NLRC5: variants seen among roughly 807,000 people sequenced by gnomAD.
The protein encoded by NLRC5 is NLR family CARD domain containing 5.
A neutral mutation model predicts 206.9 loss-of-function variants in NLRC5; 114 were observed. That is an observed-to-expected ratio of 0.55 (90% confidence interval 0.47 to 0.64). NLRC5 has a LOEUF of 0.64. Among genes scored for constraint, NLRC5 ranks in the 30% least tolerant of loss-of-function variants. NLRC5 has a pLI of 0.00. For synonymous variants in NLRC5, 952 were observed against 962.8 expected (o/e 0.99, Z 0.21); for missense variants, 2,008 against 2,305.5 (o/e 0.87, Z 2.64).
intron 36 of NLRC5, among the ~76,000 whole-genome samples, chr16:57,069,619 G>A (rs1331928793): frequency 6.6e-6 from 1 of 152,224 alleles, no homozygotes; most frequent in Admixed American, 6.5e-5. Context: ...CTGAATGACT[G>A]CGGTTTAGGA....
At chr16:57,013,650 C>T (rs1271873149) in intron 1 of NLRC5, 18 of 944,784 alleles carry the variant, frequency 1.9e-5, no homozygotes, top group African/African-American at 1.8e-4. Context: ...CCTCCAACTT[C>T]AGCCATTTGA....
chr16:57,027,109 G>A (rs2061336409), intron 6 of NLRC5, 91 bp downstream of exon 6: 1 of 1,427,594 alleles, frequency 7.0e-7, no homozygotes. Context: ...CAAGAGGACT[G>A]GATAAGAATC....
chr16:57,067,107 T>C (rs2067160272), intron 34 of NLRC5, among the ~76,000 whole-genome samples: 1 of 152,232 alleles, frequency 6.6e-6, no homozygotes, highest in Non-Finnish European at 1.5e-5. Context: ...GATGCAGCCC[T>C]GCATGTGTAC....
chr16:57,004,246 T>C (rs1274398708), intron 1 of NLRC5, among the ~76,000 whole-genome samples: 1 of 152,114 alleles, frequency 6.6e-6, no homozygotes, highest in Non-Finnish European at 1.5e-5. Flanking sequence ...GACTGGATGA[T>C]GAAAGGGCAT....
At chr16:57,066,739 C>T (rs1288769742) in intron 34 of NLRC5, 125 bp downstream of exon 34, 2 of 863,076 alleles carry the variant, frequency 2.3e-6, no homozygotes, top group African/African-American at 3.3e-5. Flanking sequence ...ACACAGGCTA[C>T]AGAGGTCTGA....
chr16:57,046,483 G>A, intron 21 of NLRC5, 69 bp from the exon 22 acceptor site: 1 of 1,272,224 alleles, frequency 7.9e-7, no homozygotes, highest in Non-Finnish European at 1.1e-6. Flanking sequence ...CCTCCTAGGG[G>A]TATATGGGCT....
At chr16:57,035,552 C>A (rs1237041496) in intron 13 of NLRC5, among the ~76,000 whole-genome samples, 2 of 152,194 alleles carry the variant, frequency 1.3e-5, no homozygotes, top group Non-Finnish European at 2.9e-5. Flanking sequence ...TTTGAATGTA[C>A]TGCTTCTACC....
chr16:56,995,731 C>T (rs535096148), intron 1 of NLRC5, among the ~76,000 whole-genome samples: 3 of 152,278 alleles, frequency 2.0e-5, no homozygotes, highest in South Asian at 4.1e-4. Flanking sequence ...TCAGATCTTA[C>T]CGTGGCATCA....
At chr16:57,057,054 C>T (rs2065770614) in intron 27 of NLRC5, among the ~76,000 whole-genome samples, 4 of 152,130 alleles carry the variant, frequency 2.6e-5, no homozygotes, top group South Asian at 4.1e-4. Flanking sequence ...AATTAACAAA[C>T]ATCAAAAATG....
intron 4 of NLRC5, among the ~76,000 whole-genome samples, chr16:57,023,524 C>T (rs554835948): frequency 1.3e-5 from 2 of 152,244 alleles, no homozygotes; most frequent in South Asian, 2.1e-4. Context: ...GGCTGTTGGC[C>T]CTGCTTCCTG....
chr16:57,046,510 G>T (rs2063995734), intron 21 of NLRC5, 42 bp from the exon 22 acceptor site: 1 of 1,552,570 alleles, frequency 6.4e-7, no homozygotes, highest in South Asian at 1.1e-5. Context: ...GGAGTCCGAG[G>T]GGGTGATCTG....
Position 57,026,691 on chromosome 16 carries a change from G to A in NLRC5, c.1748G>A (p.Gly583Asp), listed in dbSNP as rs773754266. The stretch of plus-strand genomic sequence containing the variant: ...CCCTTCCTTAGCCACCTGGCGCAGG[G>A]CAATGAGGACTGTGTGGGTGCCAAG... Reference protein sequence around the residue: ...CRPFLSHLAQGNEDCVGAKQA... With the variant: ...CRPFLSHLAQDNEDCVGAKQA... The change falls in exon 6 of 49, where the codon GGC (glycine) becomes GAC (aspartate). Residue 583 changes from glycine (G) to aspartate (D), a missense_variant. Coordinates refer to ENST00000688547, the MANE Select transcript of NLRC5 (RefSeq NM_001384950.1). 8.7e-6 allele frequency: 14 copies of A among 1,613,956 alleles called. No homozygotes were observed. Among genetic ancestry groups the A allele is most frequent in the Middle Eastern group, 3.3e-4 (2 of 6,084 alleles).
In NLRC5 at chr16:57,007,886, G is replaced by A. The variant is rs568435882; in HGVS notation, c.-127-9188G>A. Among the ~76,000 whole-genome samples the A allele has an allele frequency of 7.8e-4, 118 of 152,244 alleles. 1 individual carries two copies. Among genetic ancestry groups the A allele is most frequent in the African/African-American group, 2.7e-3 (114 of 41,546 alleles). On this transcript the variant is annotated intron_variant, in intron 1 of 48. Transcript: ENST00000688547. ...ATACATTTATAGCTTTGTTTATGATGTATACATTTATAACCTTGTCTGTGA... is the reference window on the plus strand; with the variant it reads ...ATACATTTATAGCTTTGTTTATGATATATACATTTATAACCTTGTCTGTGA...
At chr16:56,991,102 G>T (rs569290538) in intron 1 of NLRC5, 1 of 152,268 alleles carries the variant, frequency 6.6e-6, no homozygotes, top group Non-Finnish European at 1.5e-5. Flanking sequence ...GTGTTTTGTG[G>T]ATTGAATGAG....
At chr16:57,061,390 G>C (rs2066460508) in intron 30 of NLRC5, 58 bp from the exon 31 acceptor site, 1 of 1,533,146 alleles carries the variant, frequency 6.5e-7, no homozygotes, top group Non-Finnish European at 8.9e-7. Context: ...CTGAGATGAA[G>C]CTGAGCAGCA....
intron 29 of NLRC5, 159 bp downstream of exon 29, chr16:57,059,220 G>A: frequency 6.6e-7 from 1 of 1,507,224 alleles, no homozygotes; most frequent in Non-Finnish European, 8.8e-7. Flanking sequence ...TCCTGGGCAT[G>A]GGATCATAAT....
Position 57,026,395 on chromosome 16 carries a change from G to C in NLRC5, c.1452G>C (p.Leu484Phe). Residue 484 changes from leucine (L) to phenylalanine (F), a missense_variant, in exon 6 of 49, where the codon TTG becomes TTC. Physicochemically the swap from Leu to Phe is conservative, Grantham distance 22 (BLOSUM62 0). Transcript: ENST00000688547. Reference sequence around the variant, plus strand: ...ATGCAAAAGATATTGCTCCACCCTTGATAGCTTTTGGGGCCACTCACAGCC... The same window carrying C: ...ATGCAAAAGATATTGCTCCACCCTTCATAGCTTTTGGGGCCACTCACAGCC... ...IFYAKDIAPPLIAFGATHSLL... is the reference protein window; with the variant it reads ...IFYAKDIAPPFIAFGATHSLL... The C allele has an allele frequency of 6.2e-7, 1 of 1,614,132 alleles. No homozygotes were observed. The highest frequency in any genetic ancestry group is 2.2e-5 in the East Asian group (1 of 44,886).
intron 47 of NLRC5, 171 bp from the exon 48 acceptor site, chr16:57,081,356 C>A: frequency 3.4e-6 from 3 of 893,508 alleles, no homozygotes; most frequent in Non-Finnish European, 5.2e-6. Flanking sequence ...TAGCCTTCAG[C>A]CTTCCTGCTG....
rs747765853 is a variant in NLRC5, at chr16:57,025,735, C to A, written c.792C>A (p.Leu264=). ...TGTTCCTTTTTGAATTCCGCCAGCT[C>A]AACTTGATCACGAGGTTCCTGACAC... ...QALFLFEFRQ[L]NLITRFLTPS... Residue 264 remains leucine (L), a synonymous_variant, in exon 6 of 49, where the codon CTC becomes CTA. Coordinates refer to ENST00000688547, the MANE Select transcript of NLRC5 (RefSeq NM_001384950.1). 4 of 1,614,098 alleles carry A rather than the reference C, an allele frequency of 2.5e-6. No individual in the cohort carries two copies. The Admixed American group carries it at 6.7e-5, about 27-fold the overall frequency.
Sources: gnomAD v4.1 joint callset for allele counts (sites outside exome capture counted in the v4.1 genomes callset) on GRCh38, gnomAD v4.1.1 for gene constraint, MANE v1.5 for transcripts, NCBI Gene and HGNC (gene_info 2026-07-23, HGNC 2026-07-21) for gene names.